The following SLC16A14 variants were observed in gnomAD, a reference collection of about 807,000 sequenced individuals.
The protein encoded by SLC16A14 is solute carrier family 16 member 14.
A neutral mutation model predicts 35.8 loss-of-function variants in SLC16A14; 14 were observed. The observed-to-expected ratio is 0.39, with a 90% CI of 0.26 to 0.61. The LOEUF (loss-of-function observed/expected upper bound fraction) is 0.61. SLC16A14 is among the 20% of genes least tolerant of loss of function. SLC16A14 has a pLI of 0.51. For missense variants in SLC16A14, 533 were observed against 655.0 expected (o/e 0.81, Z 2.03); for synonymous variants, 248 against 258.9 (o/e 0.96, Z 0.40).
rs2077522649 is a variant in SLC16A14 at position 230,036,811 on chromosome 2, TA to T, written c.*568del. The T allele has an allele frequency of 6.6e-6, 1 of 152,212 alleles. No individual in the cohort carries two copies. Among genetic ancestry groups the T allele is most frequent in the Non-Finnish European group, 1.5e-5 (1 of 68,034 alleles). The allele number at this position is 152,212 out of a possible 1,614,324, so 9.4% of individuals were successfully genotyped here. A position where few individuals can be genotyped will look rare whatever the true frequency, so the allele number is the denominator to read the frequency against. ...AATCCCTAGCTGCAGAATTCCCTCA[TA>T]AAAATACAAGCCGTGTTTCTTTAAT... On this transcript the variant is annotated 3_prime_UTR_variant, in exon 5 of 5. Transcript: ENST00000295190.
chr2:230,049,121 G>A (rs1416912143), intron 3 of SLC16A14, among the ~76,000 whole-genome samples: 5 of 150,472 alleles, frequency 3.3e-5, no homozygotes, highest in African/African-American at 1.2e-4. Flanking sequence ...CCAGACTGGA[G>A]TGCAGTGGTG....
chr2:230,041,650 G>A (rs532730708), intron 4 of SLC16A14, among the ~76,000 whole-genome samples: 3 of 152,096 alleles, frequency 2.0e-5, no homozygotes, highest in African/African-American at 4.8e-5. Context: ...CTTTAAAGGG[G>A]TTGAACAAAA....
In SLC16A14 at chr2:230,037,471, T is replaced by C; in HGVS notation, c.1442A>G (p.Tyr481Cys). 6.2e-7 allele frequency: 1 copy of C among 1,613,004 alleles called. No individual in the cohort carries two copies. The highest frequency in any genetic ancestry group is 1.3e-5 in the African/African-American group (1 of 75,020). Residue 481 changes from tyrosine to cysteine, a missense_variant, in exon 5 of 5, where the codon TAC (tyrosine) becomes TGC (cysteine). Transcript: ENST00000295190. ...AAGTAAAAAGAGTATTCCTATCATG[T>C]AAAGCAAACCACATATGTAGAAGGA... is the stretch of plus-strand genomic sequence containing the variant. ...DFSFYICGLL[Y>C]MIGILFLLIQ...
rs1256328004 is a variant in SLC16A14 at position 230,036,080 on chromosome 2, A to G, written c.*1300T>C. ...TTCAAGGATTTGTGTGTGTGTGATG[A>G]TCAAATTGTGAGTAGAAATTTAAAT... On this transcript the variant is annotated 3_prime_UTR_variant, in exon 5 of 5. Transcript: ENST00000295190. 6.6e-6 allele frequency: 1 copy of G among 152,640 alleles called. No individual in the cohort carries two copies. The highest frequency in any genetic ancestry group is 1.5e-5 in the Non-Finnish European group (1 of 68,036). The allele number at this position is 152,640 out of a possible 1,614,324, so 9.5% of individuals were successfully genotyped here. A position where few individuals can be genotyped will look rare whatever the true frequency, so the allele number is the denominator to read the frequency against.
intron 4 of SLC16A14, among the ~76,000 whole-genome samples, chr2:230,040,989 T>C (rs918453186): frequency 6.6e-6 from 1 of 152,156 alleles, no homozygotes; most frequent in Admixed American, 6.5e-5. Context: ...TGACCTCAGT[T>C]CTTGGATTTG....
At chr2:230,050,379 G>C (rs773709914) in intron 2 of SLC16A14, among the ~76,000 whole-genome samples, 14 of 152,212 alleles carry the variant, frequency 9.2e-5, no homozygotes, top group Non-Finnish European at 1.2e-4. Flanking sequence ...CTTCCAGTTT[G>C]CTGCAGTCTC....
intron 1 of SLC16A14, chr2:230,066,599 A>C (rs1328280199): frequency 4.7e-6 from 2 of 424,320 alleles, no homozygotes; most frequent in Non-Finnish European, 9.2e-6. Context: ...AACAAAATTA[A>C]ATTTTCTACA....
chr2:230,060,803 C>G (rs893656707), intron 1 of SLC16A14, among the ~76,000 whole-genome samples: 2 of 151,908 alleles, frequency 1.3e-5, no homozygotes, highest in Non-Finnish European at 2.9e-5. Flanking sequence ...GATGGTGAAA[C>G]AGATTGGTCT....
Position 230,038,905 on chromosome 2 carries a change from T to G in SLC16A14, c.1382-1374A>C, listed in dbSNP as rs1368907140. 6.6e-6 allele frequency among the ~76,000 whole-genome samples: 1 copy of G among 152,018 alleles called. No homozygotes were observed. The highest frequency in any genetic ancestry group is 2.4e-5 in the African/African-American group (1 of 41,376). On this transcript the variant is annotated intron_variant, in intron 4 of 4. Coordinates refer to ENST00000295190, the MANE Select transcript of SLC16A14 (RefSeq NM_152527.5). The surrounding 1 kb of genome is among the most constrained non-coding windows in gnomAD (Gnocchi z 4.4). ...CTGGGCAACAGAGCAAGACTCCATC[T>G]CAAAAAATAAAATGAAATAAAAAAA...
chr2:230,052,194 C>T (rs949080926), intron 2 of SLC16A14, among the ~76,000 whole-genome samples: 3 of 152,126 alleles, frequency 2.0e-5, no homozygotes, highest in African/African-American at 7.2e-5. Context: ...CTCGGCCTCC[C>T]AAAGTGCTGG....
intron 2 of SLC16A14, among the ~76,000 whole-genome samples, chr2:230,052,006 G>A (rs1269041416): frequency 6.7e-6 from 1 of 149,308 alleles, no homozygotes; most frequent in East Asian, 2.0e-4. Context: ...GCGCGATCTC[G>A]ACTCACTGCA....
rs1484890096 is a variant in SLC16A14 at position 230,038,407 on chromosome 2, C to T, written c.1382-876G>A. Reference sequence around the variant, plus strand: ...ACATTAAAATATGAGAAAAATGTGTCTCAGAATCTATGAAATATGTTTCCT... The same window carrying T: ...ACATTAAAATATGAGAAAAATGTGTTTCAGAATCTATGAAATATGTTTCCT... On this transcript the variant is annotated intron_variant, in intron 4 of 4. Transcript: ENST00000295190. This position sits in a 1 kb window ranked among gnomAD's most constrained non-coding sequence, Gnocchi z 4.4. Among the ~76,000 whole-genome samples, 1 of 152,070 alleles carries T rather than the reference C, an allele frequency of 6.6e-6. No individual in the cohort carries two copies. Among genetic ancestry groups the T allele is most frequent in the Non-Finnish European group, 1.5e-5 (1 of 68,012 alleles).
intron 4 of SLC16A14, among the ~76,000 whole-genome samples, chr2:230,045,136 A>C (rs2077593503): frequency 6.6e-6 from 1 of 152,252 alleles, no homozygotes; most frequent in South Asian, 2.1e-4. Flanking sequence ...GGCCACCTTC[A>C]AATGGGTAAG....
rs765071028 is a variant in SLC16A14 at position 230,046,736 on chromosome 2, CG to C, written c.404-15del. 1.9e-5 allele frequency: 30 copies of C among 1,570,932 alleles called. No individual in the cohort carries two copies. In the South Asian group the frequency reaches 2.8e-4, roughly 15 times the overall value. On this transcript the variant is annotated splice_polypyrimidine_tract_variant and intron_variant, in intron 3 of 4. Coordinates refer to ENST00000295190, the MANE Select transcript of SLC16A14 (RefSeq NM_152527.5). The surrounding 1 kb of genome is among the most constrained non-coding windows in gnomAD (Gnocchi z 5.0). ...CGCTGCCCAGGCCTGTACAGGCCGA[CG>C]GGGGGAAGAAAAGACACAGTGCAAC...
intron 3 of SLC16A14, 69 bp downstream of exon 3, chr2:230,049,692 A>G: frequency 2.6e-6 from 4 of 1,541,752 alleles, no homozygotes; most frequent in Non-Finnish European, 3.6e-6. Flanking sequence ...TTTTCTCCAC[A>G]ATTAAATCCA....
intron 1 of SLC16A14, among the ~76,000 whole-genome samples, chr2:230,063,011 G>A (rs549788291): frequency 7.2e-5 from 11 of 152,196 alleles, no homozygotes; most frequent in South Asian, 2.1e-4. Context: ...TTTCCAGGCC[G>A]GCGCAGTGGT....
chr2:230,043,788 C>T (rs1207465490), intron 4 of SLC16A14, among the ~76,000 whole-genome samples: 1 of 152,248 alleles, frequency 6.6e-6, no homozygotes, highest in African/African-American at 2.4e-5. Flanking sequence ...GTTATCTTCA[C>T]ACAGTACCTG....
At chr2:230,065,023 C>T (rs1299608607) in intron 1 of SLC16A14, among the ~76,000 whole-genome samples, 1 of 152,032 alleles carries the variant, frequency 6.6e-6, no homozygotes, top group Non-Finnish European at 1.5e-5. Context: ...AACAAACAAA[C>T]AACAACAGGA....
Position 230,035,403 on chromosome 2 carries a change from A to T in SLC16A14, c.*1977T>A, listed in dbSNP as rs1478225832. 3 of 152,666 alleles carry T rather than the reference A, an allele frequency of 2.0e-5. No homozygotes were observed. The highest frequency in any genetic ancestry group is 4.4e-5 in the Non-Finnish European group (3 of 68,040). 9.5% of individuals were successfully genotyped at this position (152,666 alleles called of 1,614,324 possible). A position where few individuals can be genotyped will look rare whatever the true frequency, so the allele number is the denominator to read the frequency against. ...ATACATTGGCTATAGCACCATTTAA[A>T]ATATTTAACACTGCCTCTTGTTAGT... On this transcript the variant is annotated 3_prime_UTR_variant, in exon 5 of 5. Coordinates refer to ENST00000295190, the MANE Select transcript of SLC16A14 (RefSeq NM_152527.5).
Sources: allele counts gnomAD v4.1 joint callset (sites outside exome capture counted in the v4.1 genomes callset), GRCh38; gene constraint gnomAD v4.1.1; non-coding constraint Gnocchi (gnomAD v3.1); transcripts MANE v1.5; gene names NCBI Gene and HGNC (gene_info 2026-07-23, HGNC 2026-07-21).